PHACTR2: variants seen among roughly 807,000 people sequenced by gnomAD.
PHACTR2 encodes chromosome 6 open reading frame 56.
Under a neutral mutation model 76.0 loss-of-function variants are expected in PHACTR2, and 30 were observed. That is an observed-to-expected ratio of 0.39 (90% confidence interval 0.30 to 0.54). The LOEUF (loss-of-function observed/expected upper bound fraction) is 0.54. Ranked by LOEUF, PHACTR2 falls within the 20% of genes least tolerant of loss-of-function variation. PHACTR2 has a pLI of 0.61. For missense variants in PHACTR2, 696 were observed against 781.1 expected (o/e 0.89, Z 1.30); for synonymous variants, 292 against 292.5 (o/e 1.00, Z 0.02).
At position 143,700,384 on chromosome 6, in the gene PHACTR2, G is replaced by A. The variant is rs748980769; in HGVS notation, c.47-11632G>A. ...GGCCTGGCCAACATGGTGAAACCGC[G>A]TCTCTACTAAAAATACAGAAATTAG... On this transcript the variant is annotated intron_variant, in intron 1 of 12. Coordinates refer to ENST00000440869, the MANE Select transcript of PHACTR2 (RefSeq NM_001100164.2). The surrounding 1 kb of genome is among the most constrained non-coding windows in gnomAD (Gnocchi z 4.1). 4.6e-5 allele frequency among the ~76,000 whole-genome samples: 7 copies of A among 152,046 alleles called. No homozygotes were observed. The highest frequency in any genetic ancestry group is 7.2e-5 in the African/African-American group (3 of 41,394).
chr6:143,549,820 T>A lies in PHACTR2; in HGVS notation c.217+12613T>A, dbSNP rs937209793. On this transcript the variant is annotated intron_variant, in intron 1 of 11. Coordinates refer to the PHACTR2 transcript ENST00000367584. This position sits in a 1 kb window ranked among gnomAD's most constrained non-coding sequence, Gnocchi z 4.2. ...CCTGTGTTAAAGTCATGCTTAGGAG[T>A]GGGGGTGGGGTGTCTCGGTATGATT... 6.6e-6 allele frequency among the ~76,000 whole-genome samples: 1 copy of A among 150,942 alleles called. No individual in the cohort carries two copies. The highest frequency in any genetic ancestry group is 2.4e-5 in the African/African-American group (1 of 41,096).
At position 143,656,334 on chromosome 6, in the gene PHACTR2, C is replaced by T. The variant is rs1431035337; in HGVS notation, c.13+48012C>T. ...TTCCTGGCTGTAACAGTTACAGGGG[C>T]GTCCAATCTTTTGGCTTCCCTGGGC... is the stretch of plus-strand genomic sequence containing the variant. On this transcript the variant is annotated intron_variant, in intron 1 of 11. Transcript: ENST00000305766. This position sits in a 1 kb window ranked among gnomAD's most constrained non-coding sequence, Gnocchi z 5.3. 3.3e-5 allele frequency among the ~76,000 whole-genome samples: 5 copies of T among 152,124 alleles called. No individual in the cohort carries two copies. Among genetic ancestry groups the T allele is most frequent in the Non-Finnish European group, 5.9e-5 (4 of 68,022 alleles).
chr6:143,620,832 TA>T (rs1273972505), intron 1 of PHACTR2, among the ~76,000 whole-genome samples: 3 of 152,242 alleles, frequency 2.0e-5, no homozygotes, highest in Non-Finnish European at 4.4e-5. Flanking sequence ...AATGTGGTTG[TA>T]TTTGCCCTGG....
chr6:143,727,579 A>G (rs1778601812), intron 2 of PHACTR2, among the ~76,000 whole-genome samples: 2 of 125,656 alleles, frequency 1.6e-5, no homozygotes, highest in African/African-American at 7.5e-5. Context: ...ATTCTTACCA[A>G]CACCGTGTAA....
intron 1 of PHACTR2, among the ~76,000 whole-genome samples, chr6:143,613,632 T>C (rs1432521214): frequency 6.6e-6 from 1 of 152,210 alleles, no homozygotes; most frequent in Non-Finnish European, 1.5e-5. Flanking sequence ...CGCTCATCTT[T>C]CCAAAGGCAG....
chr6:143,641,449 C>A lies in PHACTR2; in HGVS notation c.13+33127C>A, dbSNP rs1433102459. On this transcript the variant is annotated intron_variant, in intron 1 of 11. Coordinates refer to the PHACTR2 transcript ENST00000305766. This position sits in a 1 kb window ranked among gnomAD's most constrained non-coding sequence, Gnocchi z 5.8. Reference sequence around the variant, plus strand: ...TGCCCTGCCAATTCCTGACTTCTTACCTTCAGATCTGTGAAATAATACATT... The same window carrying A: ...TGCCCTGCCAATTCCTGACTTCTTAACTTCAGATCTGTGAAATAATACATT... 6.6e-6 allele frequency among the ~76,000 whole-genome samples: 1 copy of A among 152,158 alleles called. No individual in the cohort carries two copies. Among genetic ancestry groups the A allele is most frequent in the Non-Finnish European group, 1.5e-5 (1 of 68,026 alleles).
rs1208818653 is a variant in PHACTR2 at position 143,710,270 on chromosome 6, C to T, written c.47-1746C>T. 5.3e-5 allele frequency among the ~76,000 whole-genome samples: 8 copies of T among 152,270 alleles called. No homozygotes were observed. The South Asian group carries it at 6.2e-4, about 12-fold the overall frequency. ...AAAGAAAACCCAGGAATCTCACCAC[C>T]GTGTTGTTTCTTGGGTTCTGAGGTC... On this transcript the variant is annotated intron_variant, in intron 1 of 12. Coordinates refer to ENST00000440869, the MANE Select transcript of PHACTR2 (RefSeq NM_001100164.2). The surrounding 1 kb of genome is among the most constrained non-coding windows in gnomAD (Gnocchi z 4.9).
chr6:143,799,136 T>G (rs1430639722), intron 11 of PHACTR2, among the ~76,000 whole-genome samples: 1 of 152,210 alleles, frequency 6.6e-6, no homozygotes, highest in African/African-American at 2.4e-5. Context: ...GTCCAGGAAT[T>G]TATCCATTTC....
rs188241372 is a variant in PHACTR2 at position 143,743,543 on chromosome 6, T to C, written c.215-5442T>C. Reference sequence around the variant, plus strand: ...AGGTTTTTGCAAATGTCCTGTTGGGTGGCATTGAAGCGGTTGTTTCTTTAA... The same window carrying C: ...AGGTTTTTGCAAATGTCCTGTTGGGCGGCATTGAAGCGGTTGTTTCTTTAA... On this transcript the variant is annotated intron_variant, in intron 2 of 12. Coordinates refer to ENST00000440869, the MANE Select transcript of PHACTR2 (RefSeq NM_001100164.2). This position sits in a 1 kb window ranked among gnomAD's most constrained non-coding sequence, Gnocchi z 5.0. Among the ~76,000 whole-genome samples the C allele has an allele frequency of 1.3e-5, 2 of 152,356 alleles. No homozygotes were observed. The highest frequency in any genetic ancestry group is 4.8e-5 in the African/African-American group (2 of 41,592).
intron 1 of PHACTR2, among the ~76,000 whole-genome samples, chr6:143,705,384 T>C (rs1778028683): frequency 6.8e-6 from 1 of 146,992 alleles, no homozygotes. Context: ...AAGCTCTGCC[T>C]CCCGGGTTCA....
chr6:143,586,416 A>T (rs1775629984), intron 1 of PHACTR2, among the ~76,000 whole-genome samples: 1 of 152,248 alleles, frequency 6.6e-6, no homozygotes, highest in Non-Finnish European at 1.5e-5. Context: ...TCAAAGGCTG[A>T]TATGAGATAA....
At position 143,671,749 on chromosome 6, in the gene PHACTR2, A is replaced by G. The variant is rs1440605518; in HGVS notation, c.14-40267A>G. ...ATCAATGAGTTATTATTAATATAGA[A>G]CTAGCATATATGTAACACAATATAG... On this transcript the variant is annotated intron_variant, in intron 1 of 11. Transcript: ENST00000305766. The surrounding 1 kb of genome is among the most constrained non-coding windows in gnomAD (Gnocchi z 4.6). Among the ~76,000 whole-genome samples, 1 of 152,222 alleles carries G rather than the reference A, an allele frequency of 6.6e-6. No individual in the cohort carries two copies. Among genetic ancestry groups the G allele is most frequent in the Non-Finnish European group, 1.5e-5 (1 of 68,038 alleles).
In PHACTR2 at chr6:143,624,090, T is replaced by A. The variant is rs947812894; in HGVS notation, c.13+15768T>A. The stretch of plus-strand genomic sequence containing the variant: ...AGAACTAGCTCTGAAATCTTGTTAA[T>A]TTTTTTTGTTGTTTTTTTTGTTTGT... On this transcript the variant is annotated intron_variant, in intron 1 of 11. Coordinates refer to the PHACTR2 transcript ENST00000305766. This position sits in a 1 kb window ranked among gnomAD's most constrained non-coding sequence, Gnocchi z 4.6. 6.6e-6 allele frequency among the ~76,000 whole-genome samples: 1 copy of A among 150,956 alleles called. No individual in the cohort carries two copies. Among genetic ancestry groups the A allele is most frequent in the African/African-American group, 2.4e-5 (1 of 41,136 alleles).
chr6:143,662,358 A>C lies in PHACTR2; in HGVS notation c.14-49658A>C, dbSNP rs185777735. Among the ~76,000 whole-genome samples, 5 of 152,300 alleles carry C rather than the reference A, an allele frequency of 3.3e-5. No homozygotes were observed. Among genetic ancestry groups the C allele is most frequent in the Admixed American group, 3.3e-4 (5 of 15,284 alleles). On this transcript the variant is annotated intron_variant, in intron 1 of 11. Coordinates refer to the PHACTR2 transcript ENST00000305766. This position sits in a 1 kb window ranked among gnomAD's most constrained non-coding sequence, Gnocchi z 4.7. Reference sequence around the variant, plus strand: ...TACAAGGAACATAAAAGTAAAGAAGAGATGAAGTTAAGCCTGTTAAATATA... The same window carrying C: ...TACAAGGAACATAAAAGTAAAGAAGCGATGAAGTTAAGCCTGTTAAATATA...
At chr6:143,629,013 C>G (rs1234350639) in intron 1 of PHACTR2, among the ~76,000 whole-genome samples, 3 of 135,612 alleles carry the variant, frequency 2.2e-5, no homozygotes, top group African/African-American at 8.4e-5. Flanking sequence ...TGGCCTTATT[C>G]AACTCTTGAT....
intron 1 of PHACTR2, among the ~76,000 whole-genome samples, chr6:143,637,762 T>C (rs1582724234): frequency 6.6e-6 from 1 of 152,266 alleles, no homozygotes; most frequent in African/African-American, 2.4e-5. Flanking sequence ...AGCAAGGCTC[T>C]AATGCAAATC....
At chr6:143,715,499 A>G (rs1167203711) in intron 2 of PHACTR2, among the ~76,000 whole-genome samples, 1 of 152,204 alleles carries the variant, frequency 6.6e-6, no homozygotes, top group Non-Finnish European at 1.5e-5. Flanking sequence ...CAGCATGTTA[A>G]CTCAAAATCC....
In PHACTR2 at chr6:143,655,658, G is replaced by T. The variant is rs545591597; in HGVS notation, c.13+47336G>T. Among the ~76,000 whole-genome samples the T allele has an allele frequency of 3.3e-5, 5 of 152,308 alleles. No homozygotes were observed. The South Asian group carries it at 1.0e-3, about 32-fold the overall frequency. ...TTTACAACTCTGTACGGAAGCCACA[G>T]ATTTTGTAAGAAAAGGCTAAAGAGA... On this transcript the variant is annotated intron_variant, in intron 1 of 11. Transcript: ENST00000305766.
rs1775588592 is a variant in PHACTR2 at position 143,787,804 on chromosome 6, A to G, written c.1708-969A>G. On this transcript the variant is annotated intron_variant, in intron 10 of 12. Transcript: ENST00000440869. This position sits in a 1 kb window ranked among gnomAD's most constrained non-coding sequence, Gnocchi z 4.6. ...ATCTCCGGAGAGGACCACTTAGATG[A>G]TGGGTAGTCTGGCTGTATACAGAGT... Among the ~76,000 whole-genome samples the G allele has an allele frequency of 6.6e-6, 1 of 152,134 alleles. No individual in the cohort carries two copies. Among genetic ancestry groups the G allele is most frequent in the South Asian group, 2.1e-4 (1 of 4,828 alleles).
Sources: gnomAD v4.1 joint callset for allele counts (sites outside exome capture counted in the v4.1 genomes callset) on GRCh38, gnomAD v4.1.1 for gene constraint, Gnocchi (gnomAD v3.1) non-coding constraint, MANE v1.5 for transcripts, NCBI Gene and HGNC (gene_info 2026-07-23, HGNC 2026-07-21) for gene names.